Variants in ERCC6 observed in about 807,000 individuals in gnomAD.
ERCC6 encodes ERCC excision repair 6, chromatin remodeling factor.
Under a neutral mutation model 158.7 loss-of-function variants are expected in ERCC6, and 116 were observed. That is an observed-to-expected ratio of 0.73 (90% CI 0.63 to 0.85). The LOEUF (loss-of-function observed/expected upper bound fraction) is 0.85, where lower values mean the gene tolerates loss of function less well. ERCC6 is among the 40% of genes least tolerant of loss of function. ERCC6 has a pLI of 0.00. For missense variants in ERCC6, 1,698 were observed against 1,799.4 expected, an observed-to-expected ratio of 0.94 and a Z score of 1.02; for synonymous variants, 678 against 659.3, an observed-to-expected ratio of 1.03 and a Z score of -0.43.
intron 5 of ERCC6, among the ~76,000 whole-genome samples, chr10:49,509,292 T>C (rs1221415435): frequency 1.3e-5 from 2 of 152,148 alleles, no homozygotes; most frequent in African/African-American, 4.8e-5. Context: ...ACCACATACA[T>C]TTTCTGAAAT....
chr10:49,505,687 C>T (rs546672804), intron 6 of ERCC6, 197 bp downstream of exon 6: 23 of 623,758 alleles, frequency 3.7e-5, no homozygotes, highest in South Asian at 2.4e-4. Context: ...ACCCAATGCA[C>T]ATTTTAGTCA....
chr10:49,482,684 T>C lies in ERCC6; in HGVS notation c.2169+3A>G. On this transcript the variant is annotated splice_donor_region_variant and intron_variant, in intron 10 of 20. Coordinates refer to ENST00000355832, the MANE Select transcript of ERCC6 (RefSeq NM_000124.4). ...CAAAAGTATTATCATCCTAATATTT[T>C]ACCTGTACTGGGGAAGCATTTGAAT... 1 of 1,613,482 alleles carries C rather than the reference T, an allele frequency of 6.2e-7. No individual in the cohort carries two copies. The highest frequency in any genetic ancestry group is 1.7e-5 in the Admixed American group (1 of 60,014).
At chr10:49,499,829 T>A (rs1851326751) in intron 7 of ERCC6, among the ~76,000 whole-genome samples, 1 of 152,248 alleles carries the variant, frequency 6.6e-6, no homozygotes, top group Non-Finnish European at 1.5e-5. Context: ...TAATAGTTTA[T>A]TTAAATTTCT....
intron 5 of ERCC6, among the ~76,000 whole-genome samples, chr10:49,510,758 G>A (rs1416812397): frequency 6.6e-6 from 1 of 152,180 alleles, no homozygotes; most frequent in Non-Finnish European, 1.5e-5. Flanking sequence ...GGAAAAGGAA[G>A]ACACAGACAG....
intron 5 of ERCC6, among the ~76,000 whole-genome samples, chr10:49,508,027 G>A (rs1010075170): frequency 6.6e-6 from 1 of 151,918 alleles, no homozygotes; most frequent in Non-Finnish European, 1.5e-5. Flanking sequence ...TTCAGCAGTC[G>A]AGGAGTTTAC....
chr10:49,451,464 C>T (rs1490754007), downstream of ERCC6, among the ~76,000 whole-genome samples: 1 of 152,066 alleles, frequency 6.6e-6, no homozygotes, highest in African/African-American at 2.4e-5. Flanking sequence ...TTCCGTTCCT[C>T]GTTTTTCAAA....
chr10:49,526,115 T>TATATATATA (rs1564443868), intron 4 of ERCC6, among the ~76,000 whole-genome samples: 30 of 105,348 alleles, frequency 2.8e-4, no homozygotes, highest in South Asian at 1.1e-3. Flanking sequence ...ATTTATATAT[T>TATATATATA]TTTATATATA....
At chr10:49,460,202 T>A (rs1850552192) in intron 20 of ERCC6, 171 bp downstream of exon 20, 1 of 659,116 alleles carries the variant, frequency 1.5e-6, no homozygotes, top group Non-Finnish European at 2.7e-6. Flanking sequence ...AATCAGCAGG[T>A]CCTTTTAGAT....
At chr10:49,471,406 T>C (rs544920842) in intron 16 of ERCC6, among the ~76,000 whole-genome samples, 96 of 152,324 alleles carry the variant, frequency 6.3e-4, no homozygotes, top group African/African-American at 2.2e-3. Flanking sequence ...CCTTTTCACA[T>C]GCCATCATGT....
At position 49,469,590 on chromosome 10, in the gene ERCC6, C is replaced by T. The variant is rs956323597; in HGVS notation, c.3778+592G>A. Among the ~76,000 whole-genome samples, 7 of 152,118 alleles carry T rather than the reference C, an allele frequency of 4.6e-5. No homozygotes were observed. The East Asian group carries it at 1.3e-3, about 29-fold the overall frequency. ...AAATAAAAGTCTTTCTGAAATGCTA[C>T]ACATAAACCTGCCTTCTTAAACTGA... On this transcript the variant is annotated intron_variant, in intron 18 of 20. Transcript: ENST00000355832.
chr10:49,463,405 A>C (rs1850618071), intron 18 of ERCC6, among the ~76,000 whole-genome samples: 1 of 152,232 alleles, frequency 6.6e-6, no homozygotes, highest in South Asian at 2.1e-4. Context: ...AACATAGCAG[A>C]GCACTCTAGC....
At chr10:49,464,421 C>T (rs1419076254) in intron 18 of ERCC6, among the ~76,000 whole-genome samples, 1 of 152,202 alleles carries the variant, frequency 6.6e-6, no homozygotes, top group Non-Finnish European at 1.5e-5. Context: ...GGACAATTTG[C>T]AGCCTTACAA....
downstream of ERCC6, among the ~76,000 whole-genome samples, chr10:49,451,476 A>G (rs1222780790): frequency 6.6e-6 from 1 of 152,150 alleles, no homozygotes; most frequent in Non-Finnish European, 1.5e-5. Context: ...TTTTTCAAAC[A>G]TTTTTATGAT....
At chr10:49,530,249 G>A (rs1313386417) in intron 3 of ERCC6, among the ~76,000 whole-genome samples, 1 of 152,204 alleles carries the variant, frequency 6.6e-6, no homozygotes, top group Non-Finnish European at 1.5e-5. Context: ...CAAATACACA[G>A]ATGGTCTCCA....
chr10:49,438,831 G>A, the ERCC6 span, among the ~76,000 whole-genome samples: 1 of 152,120 alleles, frequency 6.6e-6, no homozygotes, highest in African/African-American at 2.4e-5. Context: ...CAAAACAAAA[G>A]GGTTTCAGGA....
intron 8 of ERCC6, among the ~76,000 whole-genome samples, chr10:49,492,852 G>T (rs978111476): frequency 6.6e-6 from 1 of 152,184 alleles, no homozygotes; most frequent in African/African-American, 2.4e-5. Context: ...CCAGGCTTGT[G>T]CCCTGTCTGA....
At position 49,482,858 on chromosome 10, in the gene ERCC6, G is replaced by A. The variant is rs761648306; in HGVS notation, c.1998C>T (p.Arg666=). 1.2e-6 allele frequency: 2 copies of A among 1,614,022 alleles called. No homozygotes were observed. Among genetic ancestry groups the A allele is most frequent in the Non-Finnish European group, 1.7e-6 (2 of 1,179,976 alleles). The change falls in exon 10 of 21, where the codon CGC becomes CGT. Residue 666 remains arginine (R), a synonymous_variant. Coordinates refer to ENST00000355832, the MANE Select transcript of ERCC6 (RefSeq NM_000124.4). ...CAGACAGAATGATCCGATGAGGGGT[G>A]CGAAACTATTTGAGGAAAGGAAGCA... ...AAVTLACKQF[R]TPHRIILSGS...
chr10:49,471,532 C>G (rs1850781494), intron 16 of ERCC6, among the ~76,000 whole-genome samples: 1 of 152,150 alleles, frequency 6.6e-6, no homozygotes, highest in Non-Finnish European at 1.5e-5. Flanking sequence ...AATGTCTCCA[C>G]TCTGACCTCT....
intron 5 of ERCC6, chr10:49,516,954 G>C: frequency 6.2e-7 from 1 of 1,614,028 alleles, no homozygotes; most frequent in South Asian, 1.1e-5. Context: ...CAAAGAACCT[G>C]GCAGATTATT....
Sources: allele counts gnomAD v4.1 joint callset (sites outside exome capture counted in the v4.1 genomes callset), GRCh38; gene constraint gnomAD v4.1.1; transcripts MANE v1.5; gene names NCBI Gene and HGNC (gene_info 2026-07-23, HGNC 2026-07-21).